The following NTNG1 variants were observed in gnomAD, a reference collection of about 807,000 sequenced individuals.
NTNG1 encodes the protein netrin G1.
Under a neutral mutation model 54.0 loss-of-function variants are expected in NTNG1, and 16 were observed. The ratio of observed to expected loss-of-function variants is 0.30; its 90% CI spans 0.20 to 0.45. The LOEUF (loss-of-function observed/expected upper bound fraction) is 0.45, where lower values mean the gene tolerates loss of function less well. Ranked by LOEUF, NTNG1 falls within the 20% of genes least tolerant of loss-of-function variation. The pLI is 1.00. For synonymous variants in NTNG1, 255 were observed against 263.1 expected (o/e 0.97, Z 0.30); for missense variants, 530 against 678.7 (o/e 0.78, Z 2.43).
intron 2 of NTNG1, among the ~76,000 whole-genome samples, chr1:107,180,916 A>C (rs1277951756): frequency 6.6e-6 from 1 of 152,202 alleles, no homozygotes; most frequent in Non-Finnish European, 1.5e-5. Context: ...AATTTACAAC[A>C]TATTTCTCTT....
At chr1:107,273,858 A>AT (rs1459896103) in intron 2 of NTNG1, among the ~76,000 whole-genome samples, 1 of 152,200 alleles carries the variant, frequency 6.6e-6, no homozygotes, top group Non-Finnish European at 1.5e-5. Context: ...CATCAAGCTT[A>AT]ATAGTTTCAC....
chr1:107,267,815 TC>T (rs1663850917), intron 2 of NTNG1, among the ~76,000 whole-genome samples: 1 of 152,194 alleles, frequency 6.6e-6, no homozygotes. Context: ...ACATTGCATT[TC>T]CTGTTTATTT....
chr1:107,481,840 A>G lies in NTNG1; in HGVS notation c.*1000A>G, dbSNP rs1404485068. On this transcript the variant is annotated 3_prime_UTR_variant, in exon 8 of 8. Coordinates refer to ENST00000370068, the MANE Select transcript of NTNG1 (RefSeq NM_001113226.3). ...ACACTGGAAGATTTAAAGAATAAAA[A>G]CTCCTGCATAAACGATTTCAGGAAT... 6.6e-6 allele frequency: 1 copy of G among 152,516 alleles called. No homozygotes were observed. Among genetic ancestry groups the G allele is most frequent in the Non-Finnish European group, 1.5e-5 (1 of 68,016 alleles). The allele number at this position is 152,516 out of a possible 1,614,324, so 9.4% of individuals were successfully genotyped here.
chr1:107,142,634 T>C (rs917085131), intron 1 of NTNG1, among the ~76,000 whole-genome samples: 10 of 151,426 alleles, frequency 6.6e-5, no homozygotes, highest in South Asian at 2.1e-4. Flanking sequence ...GGCCCTGTTT[T>C]ATGACTGAAA....
chr1:107,354,755 T>A (rs1163026068), intron 3 of NTNG1, among the ~76,000 whole-genome samples: 2 of 152,124 alleles, frequency 1.3e-5, no homozygotes, highest in Admixed American at 6.5e-5. Context: ...AAATTCCCAC[T>A]TGTGGCCTGC....
intron 5 of NTNG1, chr1:107,408,421 T>C (rs1216278340): frequency 6.5e-6 from 1 of 153,306 alleles, no homozygotes; most frequent in Non-Finnish European, 1.5e-5. Context: ...AATCTGTTAG[T>C]ATGAATCCAA....
chr1:107,309,183 C>G (rs1666860591), intron 2 of NTNG1, among the ~76,000 whole-genome samples: 2 of 152,088 alleles, frequency 1.3e-5, no homozygotes, highest in South Asian at 4.1e-4. Context: ...TCCACTATTT[C>G]TTAGGATGTC....
chr1:107,379,412 T>C, intron 3 of NTNG1, among the ~76,000 whole-genome samples: 1 of 152,192 alleles, frequency 6.6e-6, no homozygotes, highest in East Asian at 1.9e-4. Context: ...CCTTCAGATT[T>C]GATTCAAGCA....
chr1:107,146,805 G>A (rs1259761288), intron 1 of NTNG1, among the ~76,000 whole-genome samples: 1 of 151,758 alleles, frequency 6.6e-6, no homozygotes, highest in Non-Finnish European at 1.5e-5. Context: ...CCATCTGTTG[G>A]CATTTCATAG....
intron 3 of NTNG1, among the ~76,000 whole-genome samples, chr1:107,362,686 G>T (rs1670369449): frequency 6.6e-6 from 1 of 152,202 alleles, no homozygotes; most frequent in African/African-American, 2.4e-5. Context: ...TCTTGCATCA[G>T]CTGTAAAATC....
At chr1:107,406,828 T>G (rs1164754756) in intron 4 of NTNG1, among the ~76,000 whole-genome samples, 2 of 152,122 alleles carry the variant, frequency 1.3e-5, no homozygotes, top group Non-Finnish European at 2.9e-5. Flanking sequence ...ATAAGCAACT[T>G]GCCCCAAAGT....
chr1:107,186,486 A>G (rs1490190906), intron 2 of NTNG1, among the ~76,000 whole-genome samples: 1 of 152,178 alleles, frequency 6.6e-6, no homozygotes, highest in Non-Finnish European at 1.5e-5. Context: ...CTGGCTCTGC[A>G]TGATCCCTCC....
At chr1:107,244,509 C>T (rs1662059408) in intron 2 of NTNG1, among the ~76,000 whole-genome samples, 4 of 152,196 alleles carry the variant, frequency 2.6e-5, no homozygotes, top group Admixed American at 2.0e-4. Flanking sequence ...CTAATAGACA[C>T]TGCCATTATG....
At chr1:107,293,638 C>G (rs1314215186) in intron 2 of NTNG1, among the ~76,000 whole-genome samples, 1 of 152,156 alleles carries the variant, frequency 6.6e-6, no homozygotes, top group African/African-American at 2.4e-5. Flanking sequence ...CTTCTCTAAG[C>G]TCTAATTTCT....
At chr1:107,235,942 C>T (rs1448013333) in intron 2 of NTNG1, among the ~76,000 whole-genome samples, 1 of 152,072 alleles carries the variant, frequency 6.6e-6, no homozygotes, top group Non-Finnish European at 1.5e-5. Flanking sequence ...CACACTCTGC[C>T]CCCACACCAA....
At chr1:107,428,179 T>C (rs1675019059) in intron 5 of NTNG1, among the ~76,000 whole-genome samples, 1 of 152,108 alleles carries the variant, frequency 6.6e-6, no homozygotes, top group African/African-American at 2.4e-5. Context: ...CACTCTTTAC[T>C]CTATTACTTT....
intron 3 of NTNG1, among the ~76,000 whole-genome samples, chr1:107,361,391 A>ATATTT (rs370815306): frequency 5.3e-4 from 47 of 87,976 alleles, no homozygotes; most frequent in South Asian, 1.6e-3. Flanking sequence ...ATATATATAT[A>ATATTT]TTTTTTTTTT....
At chr1:107,477,889 C>T (rs985547564) in intron 7 of NTNG1, among the ~76,000 whole-genome samples, 1 of 152,188 alleles carries the variant, frequency 6.6e-6, no homozygotes, top group Non-Finnish European at 1.5e-5. Context: ...TTGATAAGGG[C>T]ATTTTAATGA....
At chr1:107,426,667 G>C (rs1390259427) in intron 5 of NTNG1, among the ~76,000 whole-genome samples, 1 of 151,572 alleles carries the variant, frequency 6.6e-6, no homozygotes, top group East Asian at 1.9e-4. Flanking sequence ...GCTTTTTTTG[G>C]GGGGTGGGGT....
Sources: gnomAD v4.1 joint callset for allele counts (sites outside exome capture counted in the v4.1 genomes callset) on GRCh38, gnomAD v4.1.1 for gene constraint, MANE v1.5 for transcripts, NCBI Gene and HGNC (gene_info 2026-07-23, HGNC 2026-07-21) for gene names.